PHLPP1: variants seen among roughly 807,000 people sequenced by gnomAD.
PHLPP1 encodes PH domain and leucine rich repeat protein phosphatase 1.
Under a neutral mutation model 117.2 loss-of-function variants are expected in PHLPP1, and 42 were observed. The ratio of observed to expected loss-of-function variants is 0.36; its 90% CI spans 0.28 to 0.46. The LOEUF is 0.46. Ranked by LOEUF, PHLPP1 falls within the 20% of genes least tolerant of loss-of-function variation. The probability of loss-of-function intolerance (pLI) is 1.00; values close to 1 mark genes in which losing one functional copy is unlikely to be tolerated. For missense variants in PHLPP1, 2,084 were observed against 2,241.9 expected (o/e 0.93, Z 1.42); for synonymous variants, 1,042 against 970.7 (o/e 1.07, Z -1.37).
At chr18:62,756,651 C>T (rs372293477) in intron 1 of PHLPP1, among the ~76,000 whole-genome samples, 2 of 152,066 alleles carry the variant, frequency 1.3e-5, no homozygotes, top group Non-Finnish European at 2.9e-5. Context: ...CTTTTGGAAA[C>T]GACAGTCTAG....
At position 62,945,233 on chromosome 18, in the gene PHLPP1, G is replaced by A. The variant is rs747433705; in HGVS notation, c.3286G>A (p.Glu1096Lys). The change falls in exon 12 of 17, where the codon GAG becomes AAG. Residue 1096 changes from glutamate to lysine, a missense_variant. Glu to Lys is a moderately conservative substitution (Grantham distance 56, BLOSUM62 1). This residue lies in a region of PHLPP1 where 1,365 missense variants were observed against 1,605.9 expected (regional missense o/e 0.85). Coordinates refer to ENST00000262719, the MANE Select transcript of PHLPP1 (RefSeq NM_194449.4). ...HTVIAHSNCI[E>K]VFPEVMQLPE... The stretch of plus-strand genomic sequence containing the variant: ...CGTGATTGCTCACTCCAACTGCATC[G>A]AGGTCTTTCCCGAAGTTATGCAGCT... The A allele has an allele frequency of 8.1e-6, 13 of 1,608,974 alleles. No homozygotes were observed. The highest frequency in any genetic ancestry group is 5.1e-5 in the Admixed American group (3 of 58,976).
chr18:62,891,888 CAAAAAAA>C (rs574107579), intron 4 of PHLPP1, among the ~76,000 whole-genome samples: 204 of 79,120 alleles, frequency 2.6e-3, no homozygotes, highest in African/African-American at 8.9e-3. Context: ...GACCCTTTCT[CAAAAAAA>C]AAAAAAAAAA....
intron 2 of PHLPP1, among the ~76,000 whole-genome samples, chr18:62,830,736 T>G (rs1914736799): frequency 6.6e-6 from 1 of 152,164 alleles, no homozygotes; most frequent in African/African-American, 2.4e-5. Context: ...GATTATTGTT[T>G]CATTAGTTAT....
rs115361162 is a variant in PHLPP1 at position 62,829,845 on chromosome 18, T to A, written c.1577-190T>A. ...AAAAGGCTCTTCACTTATTGTTACG[T>A]GTACATGTGGAGATGTAGTTCTTAC... On this transcript the variant is annotated intron_variant, in intron 1 of 16. Transcript: ENST00000262719. 5.6e-3 allele frequency among the ~76,000 whole-genome samples: 848 copies of A among 152,356 alleles called. 13 individuals carry two copies. The highest frequency in any genetic ancestry group is 0.019 in the African/African-American group (806 of 41,586).
chr18:62,946,792 G>T (rs547766210), intron 12 of PHLPP1, among the ~76,000 whole-genome samples: 1 of 152,202 alleles, frequency 6.6e-6, no homozygotes, highest in East Asian at 1.9e-4. Context: ...GGTGGCTCAC[G>T]CCGGTAATCC....
At chr18:62,944,398 C>T (rs988808836) in intron 11 of PHLPP1, among the ~76,000 whole-genome samples, 19 of 152,164 alleles carry the variant, frequency 1.2e-4, no homozygotes, top group Non-Finnish European at 2.1e-4. Flanking sequence ...CAATAAAAGA[C>T]ATTCTTAAAC....
At chr18:62,865,934 T>G (rs1915760010) in intron 4 of PHLPP1, among the ~76,000 whole-genome samples, 1 of 152,124 alleles carries the variant, frequency 6.6e-6, no homozygotes, top group African/African-American at 2.4e-5. Context: ...TAACAGATAC[T>G]AGGCGTAGTA....
intron 10 of PHLPP1, among the ~76,000 whole-genome samples, chr18:62,935,859 C>T (rs1393354037): frequency 2.6e-5 from 4 of 152,082 alleles, no homozygotes; most frequent in Non-Finnish European, 4.4e-5. Flanking sequence ...CAAAAATTAG[C>T]CGGGCTGGTG....
At chr18:62,803,117 G>C (rs929973997) in intron 1 of PHLPP1, among the ~76,000 whole-genome samples, 1 of 152,104 alleles carries the variant, frequency 6.6e-6, no homozygotes, top group Non-Finnish European at 1.5e-5. Context: ...CAAATGTTTT[G>C]TTCTGGAAGA....
chr18:62,961,610 G>A (rs1910771214), intron 13 of PHLPP1, among the ~76,000 whole-genome samples: 1 of 152,122 alleles, frequency 6.6e-6, no homozygotes, highest in South Asian at 2.1e-4. Context: ...GAAACCTATT[G>A]TATTGCTGAC....
intron 12 of PHLPP1, among the ~76,000 whole-genome samples, chr18:62,949,279 C>A (rs1164741871): frequency 6.6e-6 from 1 of 152,164 alleles, no homozygotes; most frequent in Non-Finnish European, 1.5e-5. Context: ...TTATTCATAG[C>A]TTTGTTACCA....
At chr18:62,755,323 T>C (rs1568104345) in intron 1 of PHLPP1, among the ~76,000 whole-genome samples, 1 of 152,204 alleles carries the variant, frequency 6.6e-6, no homozygotes, top group Non-Finnish European at 1.5e-5. Context: ...TTCTTACCAA[T>C]ACCAGTTTTC....
At chr18:62,821,058 G>C (rs74905492) in intron 1 of PHLPP1, among the ~76,000 whole-genome samples, 1 of 152,130 alleles carries the variant, frequency 6.6e-6, no homozygotes, top group Non-Finnish European at 1.5e-5. Context: ...TACTATGAAC[G>C]GATGAAAAGT....
At chr18:62,722,288 A>G (rs1910944350) in intron 1 of PHLPP1, among the ~76,000 whole-genome samples, 1 of 152,210 alleles carries the variant, frequency 6.6e-6, no homozygotes, top group African/African-American at 2.4e-5. Context: ...CTGTCAAATG[A>G]GGCATCTTAG....
At chr18:62,903,725 A>G (rs1916780846) in intron 7 of PHLPP1, among the ~76,000 whole-genome samples, 1 of 151,460 alleles carries the variant, frequency 6.6e-6, no homozygotes, top group African/African-American at 2.4e-5. Flanking sequence ...GTCTGAGATC[A>G]CACTACTGCA....
chr18:62,887,959 TGGACTCCTGGGCTC>T (rs1041500086), intron 4 of PHLPP1, among the ~76,000 whole-genome samples: 4 of 152,186 alleles, frequency 2.6e-5, no homozygotes, highest in Non-Finnish European at 4.4e-5. Flanking sequence ...AGGCTAGTCT[TGGACTCCTGGGCTC>T]AAACAGTCCT....
chr18:62,744,616 A>G (rs978929920), intron 1 of PHLPP1, among the ~76,000 whole-genome samples: 2 of 152,206 alleles, frequency 1.3e-5, no homozygotes, highest in South Asian at 2.1e-4. Context: ...TTCTTATTGA[A>G]TGAGTAAGGG....
chr18:62,928,704 G>A (rs150884967), intron 10 of PHLPP1, among the ~76,000 whole-genome samples: 17 of 152,278 alleles, frequency 1.1e-4, no homozygotes, highest in Admixed American at 7.8e-4. Flanking sequence ...ACTTGTATAT[G>A]AATGTTGATA....
intron 16 of PHLPP1, among the ~76,000 whole-genome samples, chr18:62,976,807 G>A (rs1911199628): frequency 6.6e-6 from 1 of 152,088 alleles, no homozygotes; most frequent in South Asian, 2.1e-4. Flanking sequence ...TGGTTCTATG[G>A]GTTTTATCAA....
Sources: gnomAD v4.1 joint callset for allele counts (sites outside exome capture counted in the v4.1 genomes callset) on GRCh38, gnomAD v4.1.1 for gene constraint, gnomAD v4.1.1 regional missense constraint, MANE v1.5 for transcripts, NCBI Gene and HGNC (gene_info 2026-07-23, HGNC 2026-07-21) for gene names.